MARCHF1: variants seen among roughly 807,000 people sequenced by gnomAD.
The protein encoded by MARCHF1 is membrane associated ring-CH-type finger 1, also known as E3 ubiquitin-protein ligase MARCHF1.
MARCHF1 carries 40 observed loss-of-function variants against 54.2 expected under a neutral mutation model. That is an observed-to-expected ratio of 0.74 (90% CI 0.57 to 0.96). The LOEUF (loss-of-function observed/expected upper bound fraction) is 0.96. Among genes scored for constraint, MARCHF1 ranks in the 40% least tolerant of loss-of-function variants. The probability of loss-of-function intolerance (pLI) is 0.00; values close to 1 mark genes in which losing one functional copy is unlikely to be tolerated. For missense variants in MARCHF1, 586 were observed against 656.5 expected (o/e 0.89, Z 1.17); for synonymous variants, 236 against 236.3 (o/e 1.00, Z 0.01).
At chr4:163,862,601 C>T (rs890718742) in intron 3 of MARCHF1, among the ~76,000 whole-genome samples, 1 of 151,936 alleles carries the variant, frequency 6.6e-6, no homozygotes, top group Non-Finnish European at 1.5e-5. Flanking sequence ...TTCCATTGCT[C>T]GTGGGAATAC....
intron 4 of MARCHF1, among the ~76,000 whole-genome samples, chr4:163,769,168 C>T (rs1236652128): frequency 6.6e-6 from 1 of 152,104 alleles, no homozygotes; most frequent in African/African-American, 2.4e-5. Context: ...CAGGCAAACA[C>T]ATTTCTGATA....
chr4:163,891,587 A>G (rs950168452), intron 3 of MARCHF1, among the ~76,000 whole-genome samples: 1 of 152,146 alleles, frequency 6.6e-6, no homozygotes, highest in African/African-American at 2.4e-5. Flanking sequence ...ACCTGTCACC[A>G]TTGCACATAG....
intron 2 of MARCHF1, among the ~76,000 whole-genome samples, chr4:163,998,589 A>G (rs894399340): frequency 2.1e-4 from 32 of 151,838 alleles, no homozygotes; most frequent in African/African-American, 7.5e-4. Flanking sequence ...TACAAAATAG[A>G]TATCTTCTAT....
chr4:164,129,700 G>A (rs1168698010), intron 1 of MARCHF1, among the ~76,000 whole-genome samples: 1 of 152,108 alleles, frequency 6.6e-6, no homozygotes, highest in African/African-American at 2.4e-5. Flanking sequence ...ACAATCAAGT[G>A]TGGAATTTTT....
chr4:163,571,609 G>A (rs1045394264), intron 8 of MARCHF1, among the ~76,000 whole-genome samples: 2 of 152,016 alleles, frequency 1.3e-5, no homozygotes, highest in African/African-American at 4.8e-5. Context: ...TGTTAACTTT[G>A]TTTATTGATA....
intron 1 of MARCHF1, among the ~76,000 whole-genome samples, chr4:164,368,865 T>C (rs1214750033): frequency 2.6e-5 from 4 of 152,318 alleles, no homozygotes; most frequent in African/African-American, 9.6e-5. Flanking sequence ...GATACCAGCT[T>C]TCAACCTTAC....
At chr4:163,663,666 C>T (rs1371979413) in intron 5 of MARCHF1, among the ~76,000 whole-genome samples, 1 of 152,034 alleles carries the variant, frequency 6.6e-6, no homozygotes, top group Non-Finnish European at 1.5e-5. Context: ...GCTAAGGCCA[C>T]GTCTCTCCTG....
At chr4:163,936,332 C>T (rs1751794617) in intron 3 of MARCHF1, among the ~76,000 whole-genome samples, 2 of 152,290 alleles carry the variant, frequency 1.3e-5, no homozygotes, top group South Asian at 4.1e-4. Flanking sequence ...GATAGACTTG[C>T]TCAACACAGG....
intron 1 of MARCHF1, among the ~76,000 whole-genome samples, chr4:164,323,045 T>C (rs891229906): frequency 5.3e-5 from 8 of 151,928 alleles, no homozygotes; most frequent in Non-Finnish European, 1.2e-4. Flanking sequence ...AATAGCTATA[T>C]ATAGAACTTC....
chr4:163,695,033 C>T (rs998152966), intron 5 of MARCHF1, among the ~76,000 whole-genome samples: 2 of 152,092 alleles, frequency 1.3e-5, no homozygotes, highest in South Asian at 2.1e-4. Flanking sequence ...ACCAAACTTA[C>T]CCTCTAAAGG....
At chr4:163,586,374 AAAAGTCCCC>A (rs1171298648) in intron 7 of MARCHF1, among the ~76,000 whole-genome samples, 4 of 152,204 alleles carry the variant, frequency 2.6e-5, no homozygotes, top group African/African-American at 7.2e-5. Flanking sequence ...AAATCAAAAA[AAAAGTCCCC>A]AATCCAACAC....
At chr4:164,219,004 T>C (rs1027224108) in intron 1 of MARCHF1, among the ~76,000 whole-genome samples, 3 of 152,152 alleles carry the variant, frequency 2.0e-5, no homozygotes, top group African/African-American at 7.2e-5. Flanking sequence ...TTGATGTCTG[T>C]TACTACAACA....
At chr4:164,110,221 T>A (rs1033698558) in intron 2 of MARCHF1, among the ~76,000 whole-genome samples, 1 of 151,742 alleles carries the variant, frequency 6.6e-6, no homozygotes, top group African/African-American at 2.4e-5. Context: ...GAGGTTTTTT[T>A]AGGGGAAAAA....
At chr4:163,726,729 A>T (rs145617278) in intron 4 of MARCHF1, among the ~76,000 whole-genome samples, 82 of 152,310 alleles carry the variant, frequency 5.4e-4, no homozygotes, top group African/African-American at 1.7e-3. Context: ...AGTAGCAATA[A>T]ATGAGTGTTC....
intron 3 of MARCHF1, among the ~76,000 whole-genome samples, chr4:163,929,945 AT>A (rs1158391712): frequency 1.3e-3 from 8 of 6,162 alleles, no homozygotes; most frequent in Admixed American, 3.9e-3. Flanking sequence ...ATATATTTAT[AT>A]TATATATATT....
intron 1 of MARCHF1, among the ~76,000 whole-genome samples, chr4:164,164,465 A>G (rs1480061852): frequency 6.6e-6 from 1 of 152,054 alleles, no homozygotes; most frequent in African/African-American, 2.4e-5. Flanking sequence ...CTATTAAGAT[A>G]TTATGAATAA....
intron 3 of MARCHF1, among the ~76,000 whole-genome samples, chr4:163,981,457 C>T (rs186572471): frequency 7.8e-4 from 119 of 152,260 alleles, no homozygotes; most frequent in South Asian, 1.4e-3. Context: ...CAGTTCTACC[C>T]CCATGTCATG....
chr4:164,382,522 A>G (rs550662335), intron 1 of MARCHF1, among the ~76,000 whole-genome samples: 2 of 152,170 alleles, frequency 1.3e-5, no homozygotes, highest in Non-Finnish European at 2.9e-5. Context: ...ATTACTATTT[A>G]AAGTTTAAAT....
chr4:163,716,359 G>A (rs1561035146), intron 4 of MARCHF1, among the ~76,000 whole-genome samples: 1 of 152,124 alleles, frequency 6.6e-6, no homozygotes, highest in Non-Finnish European at 1.5e-5. Flanking sequence ...ATTGCCTCCT[G>A]AGTATACACA....
Sources: gnomAD v4.1 joint callset for allele counts (sites outside exome capture counted in the v4.1 genomes callset) on GRCh38, gnomAD v4.1.1 for gene constraint, MANE v1.5 for transcripts, NCBI Gene and HGNC (gene_info 2026-07-23, HGNC 2026-07-21) for gene names.